Variants in NFIX observed in about 807,000 individuals in gnomAD.
NFIX encodes nuclear factor I X.
A neutral mutation model predicts 53.3 loss-of-function variants in NFIX; 2 were observed. The ratio of observed to expected loss-of-function variants is 0.04; its 90% CI spans 0.02 to 0.12. The LOEUF (loss-of-function observed/expected upper bound fraction) is 0.12. NFIX is among the 10% of genes least tolerant of loss of function. The pLI is 1.00. For synonymous variants in NFIX, 244 were observed against 289.0 expected (o/e 0.84, Z 1.58); for missense variants, 310 against 674.5 (o/e 0.46, Z 5.99).
At chr19:13,034,990 T>C (rs2014082476) in intron 2 of NFIX, among the ~76,000 whole-genome samples, 1 of 152,220 alleles carries the variant, frequency 6.6e-6, no homozygotes, top group South Asian at 2.1e-4. Flanking sequence ...TGTAGAGTTT[T>C]AGCGGAATCT....
rs540723788 is a variant in NFIX at position 13,006,100 on chromosome 19, G to A, written c.27+10236G>A. 2.0e-5 allele frequency among the ~76,000 whole-genome samples: 3 copies of A among 152,338 alleles called. No individual in the cohort carries two copies. The highest frequency in any genetic ancestry group is 2.1e-4 in the South Asian group (1 of 4,832). ...GCCAGCCCCGGTGGGAGGGCAGACT[G>A]TGAATCTGATAAACAAGGGAGTGTC... On this transcript the variant is annotated intron_variant, in intron 1 of 10. Transcript: ENST00000592199. This position sits in a 1 kb window ranked among gnomAD's most constrained non-coding sequence, Gnocchi z 5.6.
rs918314816 is a variant in NFIX, at chr19:13,022,602, A to G, written c.28-2419A>G. ...TGTGTGCTCCATAGGAAGAAAAAAA[A>G]AAAGAAAGAAAGAAATAGAAACAGA... On this transcript the variant is annotated intron_variant, in intron 1 of 10. Coordinates refer to ENST00000592199, the MANE Select transcript of NFIX (RefSeq NM_001365902.3). The surrounding 1 kb of genome is among the most constrained non-coding windows in gnomAD (Gnocchi z 4.5). Among the ~76,000 whole-genome samples the G allele has an allele frequency of 3.3e-5, 5 of 152,054 alleles. No homozygotes were observed. Among genetic ancestry groups the G allele is most frequent in the Non-Finnish European group, 7.4e-5 (5 of 67,976 alleles).
rs2018317129 is a variant in NFIX, at chr19:13,094,376, G to A, written c.1495-259G>A. Reference sequence around the variant, plus strand: ...GCCAGCCATGGGGGTCCCACCCGCTGGGCACAGTGCCCACGGGAAGGCCAG... The same window carrying A: ...GCCAGCCATGGGGGTCCCACCCGCTAGGCACAGTGCCCACGGGAAGGCCAG... On this transcript the variant is annotated intron_variant, in intron 10 of 10. Coordinates refer to ENST00000592199, the MANE Select transcript of NFIX (RefSeq NM_001365902.3). The surrounding 1 kb of genome is among the most constrained non-coding windows in gnomAD (Gnocchi z 4.3). Among the ~76,000 whole-genome samples, 1 of 152,232 alleles carries A rather than the reference G, an allele frequency of 6.6e-6. No homozygotes were observed. Among genetic ancestry groups the A allele is most frequent in the Non-Finnish European group, 1.5e-5 (1 of 68,040 alleles).
intron 2 of NFIX, among the ~76,000 whole-genome samples, chr19:13,042,236 C>A (rs888667491): frequency 5.3e-5 from 8 of 152,004 alleles, no homozygotes; most frequent in African/African-American, 1.9e-4. Flanking sequence ...CTGCATTACC[C>A]CTAAATTGTC....
At chr19:13,034,854 T>TG (rs113725464) in intron 2 of NFIX, among the ~76,000 whole-genome samples, 17,582 of 152,034 alleles carry the variant, frequency 0.12, 2,045 homozygotes, top group African/African-American at 0.3. Flanking sequence ...TCTGTGTCCA[T>TG]GATAATTAGA....
rs931214683 is a variant in NFIX, at chr19:13,072,473, C to T, written c.560-574C>T. Among the ~76,000 whole-genome samples the T allele has an allele frequency of 1.3e-5, 2 of 152,174 alleles. No homozygotes were observed. Among genetic ancestry groups the T allele is most frequent in the Non-Finnish European group, 2.9e-5 (2 of 68,038 alleles). ...GAGCATAAAGGTGAGGTGGGGGAGG[C>T]GCAGGCAGACAGGAATGGCTTCAAT... On this transcript the variant is annotated intron_variant, in intron 2 of 10. Transcript: ENST00000592199. The surrounding 1 kb of genome is among the most constrained non-coding windows in gnomAD (Gnocchi z 4.0).
chr19:13,057,472 C>T (rs1284162779), intron 2 of NFIX, among the ~76,000 whole-genome samples: 1 of 152,228 alleles, frequency 6.6e-6, no homozygotes, highest in Non-Finnish European at 1.5e-5. Context: ...CTACGAGCTG[C>T]AGACTCGGCT....
chr19:13,056,677 C>A (rs925213677), intron 2 of NFIX, among the ~76,000 whole-genome samples: 6 of 152,234 alleles, frequency 3.9e-5, no homozygotes, highest in Non-Finnish European at 8.8e-5. Flanking sequence ...CCTGGCTTAG[C>A]TACATTCTTC....
In NFIX at chr19:13,001,692, C is replaced by T. The variant is rs968162566; in HGVS notation, c.27+5828C>T. ...CACGTGTCTCCAGTGTCATCACCCT[C>T]ATATCACTGTGCCTCCTGAGCTTGT... On this transcript the variant is annotated intron_variant, in intron 1 of 10. Coordinates refer to ENST00000592199, the MANE Select transcript of NFIX (RefSeq NM_001365902.3). The surrounding 1 kb of genome is among the most constrained non-coding windows in gnomAD (Gnocchi z 6.5). Among the ~76,000 whole-genome samples, 1 of 152,188 alleles carries T rather than the reference C, an allele frequency of 6.6e-6. No homozygotes were observed. The highest frequency in any genetic ancestry group is 1.5e-5 in the Non-Finnish European group (1 of 68,024).
At position 13,005,722 on chromosome 19, in the gene NFIX, A is replaced by G. The variant is rs57126872; in HGVS notation, c.27+9858A>G. ...CAGCTTGTTCTCTGGCCTTTCCCAA[A>G]TTTCAAAATGGGTCTGCACACCCCC... On this transcript the variant is annotated intron_variant, in intron 1 of 10. Coordinates refer to ENST00000592199, the MANE Select transcript of NFIX (RefSeq NM_001365902.3). The surrounding 1 kb of genome is among the most constrained non-coding windows in gnomAD (Gnocchi z 4.7). Among the ~76,000 whole-genome samples, 8,061 of 152,122 alleles carry G rather than the reference A, an allele frequency of 0.053. 725 individuals carry two copies. Among genetic ancestry groups the G allele is most frequent in the African/African-American group, 0.18 (7,582 of 41,458 alleles).
At position 13,027,945 on chromosome 19, in the gene NFIX, A is replaced by G. The variant is rs2013498682; in HGVS notation, c.559+2393A>G. ...GTGAAGGTAGGATTTTTCTCACTGGAATTGCTTTAGTTTGAGTGTGCCTTC... is the reference window on the plus strand; with the variant it reads ...GTGAAGGTAGGATTTTTCTCACTGGGATTGCTTTAGTTTGAGTGTGCCTTC... On this transcript the variant is annotated intron_variant, in intron 2 of 10. Coordinates refer to ENST00000592199, the MANE Select transcript of NFIX (RefSeq NM_001365902.3). This position sits in a 1 kb window ranked among gnomAD's most constrained non-coding sequence, Gnocchi z 4.3. 6.6e-6 allele frequency among the ~76,000 whole-genome samples: 1 copy of G among 152,094 alleles called. No homozygotes were observed. Among genetic ancestry groups the G allele is most frequent in the Admixed American group, 6.6e-5 (1 of 15,264 alleles).
At chr19:13,074,097 T>C (rs976965059) in intron 5 of NFIX, 71 bp downstream of exon 5, 2 of 1,585,240 alleles carry the variant, frequency 1.3e-6, no homozygotes, top group South Asian at 2.2e-5. Context: ...CCAGTGGCTA[T>C]AGTCAGCTGT....
chr19:12,996,986 G>A lies in NFIX; in HGVS notation c.27+1122G>A, dbSNP rs952382615. On this transcript the variant is annotated intron_variant, in intron 1 of 10. Transcript: ENST00000592199. The surrounding 1 kb of genome is among the most constrained non-coding windows in gnomAD (Gnocchi z 5.2). The stretch of plus-strand genomic sequence containing the variant: ...TGCCTGCAGGGCCAAGCCACAGCTG[G>A]TAACAGTCTCCGAAGAGGGGACATC... Among the ~76,000 whole-genome samples, 1 of 152,244 alleles carries A rather than the reference G, an allele frequency of 6.6e-6. No homozygotes were observed. Among genetic ancestry groups the A allele is most frequent in the Non-Finnish European group, 1.5e-5 (1 of 68,040 alleles).
rs1443493607 is a variant in NFIX at position 13,067,350 on chromosome 19, C to T, written c.560-5697C>T. Among the ~76,000 whole-genome samples, 1 of 152,174 alleles carries T rather than the reference C, an allele frequency of 6.6e-6. No homozygotes were observed. Among genetic ancestry groups the T allele is most frequent in the Non-Finnish European group, 1.5e-5 (1 of 68,020 alleles). On this transcript the variant is annotated intron_variant, in intron 2 of 10. Transcript: ENST00000592199. The surrounding 1 kb of genome is among the most constrained non-coding windows in gnomAD (Gnocchi z 4.2). ...TGTTCTCCCCGTTTCCAAAGGCCAG[C>T]GGTTCCTGCAGAGTTGAAGGGGATT...
At chr19:13,010,314 C>G (rs1393627540) in intron 1 of NFIX, among the ~76,000 whole-genome samples, 1 of 152,256 alleles carries the variant, frequency 6.6e-6, no homozygotes, top group Non-Finnish European at 1.5e-5. Context: ...CACTCGCACA[C>G]CCCCTGGCCC....
intron 2 of NFIX, among the ~76,000 whole-genome samples, chr19:13,039,788 T>A (rs558480916): frequency 6.6e-6 from 1 of 152,230 alleles, no homozygotes; most frequent in Admixed American, 6.5e-5. Context: ...TATCCGCCTT[T>A]GCATCTGTCT....
intron 1 of NFIX, among the ~76,000 whole-genome samples, chr19:13,000,616 G>T (rs904670384): frequency 3.9e-5 from 6 of 152,076 alleles, no homozygotes; most frequent in Non-Finnish European, 8.8e-5. Flanking sequence ...CAGATACCCT[G>T]GTTGGGGGCC....
intron 2 of NFIX, among the ~76,000 whole-genome samples, chr19:13,058,372 C>T (rs1003741550): frequency 6.6e-6 from 1 of 152,024 alleles, no homozygotes. Flanking sequence ...GTGCGCTGGG[C>T]GCAGGAGCTC....
At chr19:13,044,101 C>G (rs1302184082) in intron 2 of NFIX, among the ~76,000 whole-genome samples, 2 of 152,216 alleles carry the variant, frequency 1.3e-5, no homozygotes, top group African/African-American at 4.8e-5. Flanking sequence ...CTCCACCTTA[C>G]CCAGAACCTG....
Sources: gnomAD v4.1 joint callset for allele counts (sites outside exome capture counted in the v4.1 genomes callset) on GRCh38, gnomAD v4.1.1 for gene constraint, Gnocchi (gnomAD v3.1) non-coding constraint, MANE v1.5 for transcripts, NCBI Gene and HGNC (gene_info 2026-07-23, HGNC 2026-07-21) for gene names.